MCPH1: variants seen among roughly 807,000 people sequenced by gnomAD.
MCPH1 encodes the protein microcephalin 1.
MCPH1 carries 104 observed loss-of-function variants against 84.5 expected under a neutral mutation model. That is an observed-to-expected ratio of 1.23 (90% confidence interval 1.05 to 1.45). MCPH1 has a LOEUF of 1.45. MCPH1 is among the 40% of genes most tolerant of loss of function. The pLI, the probability that MCPH1 is intolerant of heterozygous loss-of-function variation, is 0.00. For missense variants in MCPH1, 1,498 were observed against 1,005.7 expected, an observed-to-expected ratio of 1.49 and a Z score of -6.62; for synonymous variants, 514 against 366.8, an observed-to-expected ratio of 1.40 and a Z score of -4.58.
intron 12 of MCPH1, among the ~76,000 whole-genome samples, chr8:6,520,472 C>T (rs892184830): frequency 2.0e-5 from 3 of 151,956 alleles, no homozygotes; most frequent in Non-Finnish European, 4.4e-5. Flanking sequence ...CTCAGCTTAC[C>T]GCATCCTCCT....
intron 11 of MCPH1, among the ~76,000 whole-genome samples, chr8:6,484,396 C>G (rs1809603226): frequency 6.6e-6 from 1 of 152,236 alleles, no homozygotes; most frequent in African/African-American, 2.4e-5. Flanking sequence ...CAGTCGCACT[C>G]TAGCAAGGAG....
chr8:6,569,706 G>A (rs1826501711), intron 12 of MCPH1, among the ~76,000 whole-genome samples: 1 of 152,212 alleles, frequency 6.6e-6, no homozygotes, highest in South Asian at 2.1e-4. Flanking sequence ...TGAATTTAAG[G>A]AGAATTGAAA....
At chr8:6,486,550 T>C (rs1809952350) in intron 11 of MCPH1, among the ~76,000 whole-genome samples, 1 of 152,354 alleles carries the variant, frequency 6.6e-6, no homozygotes, top group African/African-American at 2.4e-5. Flanking sequence ...GTGGCGATTT[T>C]ATAACAAAGT....
At chr8:6,626,318 G>C in intron 13 of MCPH1, 1 of 985,322 alleles carries the variant, frequency 1.0e-6, no homozygotes, top group Non-Finnish European at 1.2e-6. Context: ...GCGCCGCGTT[G>C]CCTAATAACG....
intron 12 of MCPH1, among the ~76,000 whole-genome samples, chr8:6,599,131 G>A (rs1829165277): frequency 6.6e-6 from 1 of 152,150 alleles, no homozygotes; most frequent in Non-Finnish European, 1.5e-5. Flanking sequence ...AGGCTTCCAC[G>A]GTCATGAGTA....
At chr8:6,609,116 A>C (rs1297718409) in intron 12 of MCPH1, among the ~76,000 whole-genome samples, 1 of 152,128 alleles carries the variant, frequency 6.6e-6, no homozygotes, top group African/African-American at 2.4e-5. Flanking sequence ...TATGCCACCT[A>C]TCAGACCATT....
chr8:6,620,578 T>C (rs1046487043), intron 12 of MCPH1, among the ~76,000 whole-genome samples: 1 of 152,064 alleles, frequency 6.6e-6, no homozygotes, highest in Non-Finnish European at 1.5e-5. Context: ...ATACATCCCC[T>C]CAAATCTCTA....
chr8:6,487,484 G>T (rs961741963), intron 11 of MCPH1, among the ~76,000 whole-genome samples: 2 of 152,182 alleles, frequency 1.3e-5, no homozygotes, highest in Non-Finnish European at 2.9e-5. Flanking sequence ...CTTTTCACTG[G>T]TGTTAGTTCA....
At chr8:6,608,674 G>C (rs2515552) in intron 12 of MCPH1, among the ~76,000 whole-genome samples, 1 of 151,948 alleles carries the variant, frequency 6.6e-6, no homozygotes. Flanking sequence ...TGCTACTCTG[G>C]CCAAACCTCG....
At chr8:6,492,173 C>T (rs1385048853) in intron 11 of MCPH1, among the ~76,000 whole-genome samples, 1 of 152,222 alleles carries the variant, frequency 6.6e-6, no homozygotes, top group African/African-American at 2.4e-5. Context: ...GCCATTCTAA[C>T]TGGTGTGTGA....
At chr8:6,636,248 G>A (rs906377229) in intron 13 of MCPH1, among the ~76,000 whole-genome samples, 1 of 151,992 alleles carries the variant, frequency 6.6e-6, no homozygotes, top group African/African-American at 2.4e-5. Context: ...GCTGAGGCAG[G>A]GGAATCGCTT....
intron 12 of MCPH1, among the ~76,000 whole-genome samples, chr8:6,519,078 A>G (rs914273626): frequency 6.6e-6 from 1 of 152,166 alleles, no homozygotes; most frequent in African/African-American, 2.4e-5. Context: ...AATTGGACAT[A>G]TGCCTTGAAG....
chr8:6,608,131 A>T (rs1456847720), intron 12 of MCPH1, among the ~76,000 whole-genome samples: 4 of 152,188 alleles, frequency 2.6e-5, no homozygotes, highest in Non-Finnish European at 4.4e-5. Context: ...GCAAACCAGG[A>T]AAGGCAGACA....
At chr8:6,513,545 G>A in intron 12 of MCPH1, 2 of 581,102 alleles carry the variant, frequency 3.4e-6, no homozygotes, top group Non-Finnish European at 5.5e-6. Flanking sequence ...TTGTTTGCCA[G>A]GATGGTCTCA....
At chr8:6,460,531 C>A (rs1317715708) in intron 9 of MCPH1, among the ~76,000 whole-genome samples, 3 of 152,036 alleles carry the variant, frequency 2.0e-5, no homozygotes, top group Non-Finnish European at 4.4e-5. Context: ...TTTATAAAAA[C>A]CATTTCCAGT....
At chr8:6,507,156 C>G (rs1251025722) in intron 12 of MCPH1, among the ~76,000 whole-genome samples, 1 of 152,164 alleles carries the variant, frequency 6.6e-6, no homozygotes, top group Non-Finnish European at 1.5e-5. Flanking sequence ...CCTTGGCCTC[C>G]CAAAGTGCTG....
chr8:6,500,190 A>G (rs1034616829), intron 12 of MCPH1: 4 of 458,970 alleles, frequency 8.7e-6, no homozygotes, highest in African/African-American at 7.9e-5. Flanking sequence ...TGAGAAAAAC[A>G]AAAATGAAAA....
intron 13 of MCPH1, among the ~76,000 whole-genome samples, chr8:6,629,847 G>A (rs1307148981): frequency 2.0e-5 from 3 of 152,174 alleles, no homozygotes; most frequent in African/African-American, 7.2e-5. Flanking sequence ...CCCAGTCCTG[G>A]CCCCTGATTT....
At position 6,422,939 on chromosome 8, in the gene MCPH1, C is replaced by T. The variant is rs559895879; in HGVS notation, c.233+8056C>T. 2.0e-3 allele frequency among the ~76,000 whole-genome samples: 302 copies of T among 151,738 alleles called. 4 individuals carry two copies. The highest frequency in any genetic ancestry group is 6.9e-3 in the African/African-American group (283 of 41,216). On this transcript the variant is annotated intron_variant, in intron 3 of 13. Coordinates refer to ENST00000344683, the MANE Select transcript of MCPH1 (RefSeq NM_024596.5). Reference sequence around the variant, plus strand: ...TCCTGACCTTGTGATCCGCCCTCCTCGGTCTCCCAAAGTGCTAGGATTACA... The same window carrying T: ...TCCTGACCTTGTGATCCGCCCTCCTTGGTCTCCCAAAGTGCTAGGATTACA...
Sources: allele counts gnomAD v4.1 joint callset (sites outside exome capture counted in the v4.1 genomes callset), GRCh38; gene constraint gnomAD v4.1.1; transcripts MANE v1.5; gene names NCBI Gene and HGNC (gene_info 2026-07-23, HGNC 2026-07-21).